BMP8A: variants seen among roughly 807,000 people sequenced by gnomAD.
The protein encoded by BMP8A is bone morphogenetic protein 8a, also known as BMP-8A.
A neutral mutation model predicts 36.8 loss-of-function variants in BMP8A; 14 were observed. That is an observed-to-expected ratio of 0.38 (90% CI 0.25 to 0.60). The LOEUF is 0.60. BMP8A is among the 20% of genes least tolerant of loss of function. The pLI, the probability that BMP8A is intolerant of heterozygous loss-of-function variation, is 0.63. For missense variants in BMP8A, 267 were observed against 551.1 expected, an observed-to-expected ratio of 0.48 and a Z score of 5.16; for synonymous variants, 120 against 237.7, an observed-to-expected ratio of 0.50 and a Z score of 4.55.
chr1:39,515,212 A>G (rs1645386470), intron 3 of BMP8A: 1 of 1,521,782 alleles, frequency 6.6e-7, no homozygotes, highest in African/African-American at 1.4e-5. Flanking sequence ...AAAGACCTGC[A>G]GGTGGTCAGC....
chr1:39,515,689 T>TGG (rs1645389599), intron 3 of BMP8A: 1 of 1,567,260 alleles, frequency 6.4e-7, no homozygotes, highest in African/African-American at 1.3e-5. Flanking sequence ...GCGGTGGAGG[T>TGG]GGGGGCTTCC....
intron 6 of BMP8A, 60 bp from the exon 7 acceptor site, chr1:39,525,589 G>A: frequency 1.3e-6 from 2 of 1,594,394 alleles, no homozygotes; most frequent in Non-Finnish European, 1.7e-6. Context: ...GCGGGGCTAG[G>A]TGGGTCCTCA....
intron 6 of BMP8A, chr1:39,523,641 G>C: frequency 6.9e-7 from 1 of 1,449,536 alleles, no homozygotes; most frequent in Non-Finnish European, 9.1e-7. Flanking sequence ...TTCTCTCTTG[G>C]CTGTCTGTGT....
chr1:39,515,322 G>A (rs923857698), intron 3 of BMP8A: 18 of 941,712 alleles, frequency 1.9e-5, no homozygotes, highest in Non-Finnish European at 2.7e-5. Context: ...CACCCTGTGC[G>A]AGAGCCAGTA....
At chr1:39,509,209 G>T (rs936294563) in intron 1 of BMP8A, among the ~76,000 whole-genome samples, 1 of 152,202 alleles carries the variant, frequency 6.6e-6, no homozygotes, top group Non-Finnish European at 1.5e-5. Flanking sequence ...GAGAAGCCGG[G>T]ACTGAGCTGC....
Position 39,525,690 on chromosome 1 carries a change from T to G in BMP8A, c.1101T>G (p.Cys367Trp). The G allele has an allele frequency of 3.7e-6, 6 of 1,614,132 alleles. No individual in the cohort carries two copies. Among genetic ancestry groups the G allele is most frequent in the Non-Finnish European group, 5.1e-6 (6 of 1,180,002 alleles). The change falls in exon 7 of 7, where the codon TGT becomes TGG. Residue 367 changes from cysteine to tryptophan, a missense_variant. By Grantham distance (215) the Cys-to-Trp change is radical (BLOSUM62 -2). Around this residue, in one of 7 missense-constraint regions of BMP8A, gnomAD observed 132 missense variants for 151.3 expected, o/e 0.87. Coordinates refer to ENST00000331593, the MANE Select transcript of BMP8A (RefSeq NM_181809.4). ...CAAACGCAGTCCCCAAGGCGTGCTG[T>G]GCACCCACCAAGCTGAGCGCCACCT... Reference protein sequence around the residue: ...MKPNAVPKACCAPTKLSATSV... With the variant: ...MKPNAVPKACWAPTKLSATSV...
chr1:39,528,656 CAGGTTTTGGA>C lies in BMP8A; in HGVS notation c.*2859_*2868del, dbSNP rs1007388985. Among the ~76,000 whole-genome samples the C allele has an allele frequency of 1.7e-4, 26 of 150,784 alleles. No individual in the cohort carries two copies. Among genetic ancestry groups the C allele is most frequent in the African/African-American group, 6.3e-4 (26 of 41,028 alleles). ...AAAGGAGGCTGTGAAAAGGAGAGGG[CAGGTTTTGGA>C]GCCAAGTCGACCTGGCATCAGGTCC... On this transcript the variant is annotated 3_prime_UTR_variant, in exon 7 of 7. Coordinates refer to ENST00000331593, the MANE Select transcript of BMP8A (RefSeq NM_181809.4).
intron 1 of BMP8A, among the ~76,000 whole-genome samples, chr1:39,496,009 G>A (rs1418537758): frequency 6.6e-6 from 1 of 151,520 alleles, no homozygotes; most frequent in Non-Finnish European, 1.5e-5. Context: ...AGAGCCGTCT[G>A]GATTTGGGAG....
At chr1:39,508,931 G>A (rs577848690) in intron 1 of BMP8A, among the ~76,000 whole-genome samples, 25 of 152,320 alleles carry the variant, frequency 1.6e-4, no homozygotes, top group Non-Finnish European at 3.1e-4. Flanking sequence ...AGCCCACAGC[G>A]CGGAAGTTTG....
chr1:39,523,979 AACACACACAC>A (rs3832006), intron 6 of BMP8A: 55 of 152,648 alleles, frequency 3.6e-4, no homozygotes, highest in Admixed American at 7.4e-4. Context: ...TAAAAATTAA[AACACACACAC>A]ACACACACAC....
intron 1 of BMP8A, among the ~76,000 whole-genome samples, chr1:39,500,900 C>T (rs578148573): frequency 2.0e-5 from 3 of 152,226 alleles, no homozygotes; most frequent in East Asian, 1.9e-4. Flanking sequence ...GTGATCCACC[C>T]GCCTCAGCCT....
At chr1:39,508,939 T>TG (rs1342548425) in intron 1 of BMP8A, among the ~76,000 whole-genome samples, 2 of 152,172 alleles carry the variant, frequency 1.3e-5, no homozygotes, top group African/African-American at 4.8e-5. Flanking sequence ...GCGCGGAAGT[T>TG]TGGAACTCAG....
At position 39,524,797 on chromosome 1, in the gene BMP8A, G is replaced by A. The variant is rs1645465285; in HGVS notation, c.1060-852G>A. ...AGGCTGATGGTCGCGGGAGTGGAAG[G>A]CAGAGGAGCAGGGGATGAGTGAGGG... On this transcript the variant is annotated intron_variant, in intron 6 of 6. Transcript: ENST00000331593. This position sits in a 1 kb window ranked among gnomAD's most constrained non-coding sequence, Gnocchi z 4.0. The A allele has an allele frequency of 6.6e-6, 1 of 152,638 alleles. No homozygotes were observed. Among genetic ancestry groups the A allele is most frequent in the African/African-American group, 2.4e-5 (1 of 41,436 alleles). The allele number at this position is 152,638 out of a possible 1,614,324, so 9.5% of individuals were successfully genotyped here.
chr1:39,509,951 G>C (rs756046997), intron 1 of BMP8A, among the ~76,000 whole-genome samples: 4 of 152,138 alleles, frequency 2.6e-5, no homozygotes, highest in Admixed American at 6.5e-5. Flanking sequence ...CCGGACACCT[G>C]GGGAAATGTG....
rs1365721368 is a variant in BMP8A, at chr1:39,527,102, G to T, written c.*1304G>T. ...GTGGGGACTGCCAGTGTTTGCTTGT[G>T]TCTAGGAGTTATGAACAAGCTGGCC... On this transcript the variant is annotated 3_prime_UTR_variant, in exon 7 of 7. Coordinates refer to ENST00000331593, the MANE Select transcript of BMP8A (RefSeq NM_181809.4). Among the ~76,000 whole-genome samples the T allele has an allele frequency of 6.6e-6, 1 of 152,208 alleles. No individual in the cohort carries two copies. The highest frequency in any genetic ancestry group is 1.5e-5 in the Non-Finnish European group (1 of 68,040).
At chr1:39,498,891 G>C (rs1170362864) in intron 1 of BMP8A, among the ~76,000 whole-genome samples, 1 of 152,136 alleles carries the variant, frequency 6.6e-6, no homozygotes, top group Non-Finnish European at 1.5e-5. Context: ...GAGTCACATG[G>C]GGACATGGTA....
At chr1:39,515,789 C>T in intron 3 of BMP8A, 2 of 1,591,840 alleles carry the variant, frequency 1.3e-6, no homozygotes, top group South Asian at 1.1e-5. Flanking sequence ...CTTAACGATC[C>T]GGAAAGAGGA....
At chr1:39,509,144 G>A (rs1213135872) in intron 1 of BMP8A, among the ~76,000 whole-genome samples, 2 of 152,192 alleles carry the variant, frequency 1.3e-5, no homozygotes, top group African/African-American at 4.8e-5. Flanking sequence ...CCACCCAGCA[G>A]CCCTGCTGTG....
intron 1 of BMP8A, among the ~76,000 whole-genome samples, chr1:39,497,866 G>C (rs1452362328): frequency 6.6e-6 from 1 of 152,184 alleles, no homozygotes; most frequent in African/African-American, 2.4e-5. Context: ...CTCCCTGTCT[G>C]TGTGGGGGCC....
Sources: gnomAD v4.1 joint callset for allele counts (sites outside exome capture counted in the v4.1 genomes callset) on GRCh38, gnomAD v4.1.1 for gene constraint, gnomAD v4.1.1 regional missense constraint, Gnocchi (gnomAD v3.1) non-coding constraint, MANE v1.5 for transcripts, NCBI Gene and HGNC (gene_info 2026-07-23, HGNC 2026-07-21) for gene names.